The following KIAA2012 variants were observed in gnomAD, a reference collection of about 807,000 sequenced individuals.
KIAA2012 encodes the protein KIAA2012.
KIAA2012 carries 125 observed loss-of-function variants against 150.6 expected under a neutral mutation model. The ratio of observed to expected loss-of-function variants is 0.83; its 90% CI spans 0.72 to 0.96. The LOEUF (loss-of-function observed/expected upper bound fraction) is 0.96, where lower values mean the gene tolerates loss of function less well. KIAA2012 is among the 40% of genes least tolerant of loss of function. The probability of loss-of-function intolerance (pLI) is 0.00; values close to 1 mark genes in which losing one functional copy is unlikely to be tolerated. For synonymous variants in KIAA2012, 462 were observed against 504.7 expected (o/e 0.92, Z 1.13); for missense variants, 1,219 against 1,354.9 (o/e 0.90, Z 1.57).
chr2:202,088,098 T>C (rs939967153), intron 2 of KIAA2012, among the ~76,000 whole-genome samples: 1 of 152,158 alleles, frequency 6.6e-6, no homozygotes, highest in African/African-American at 2.4e-5. Flanking sequence ...AGGATGCATA[T>C]GGGCTATACT....
At chr2:202,198,148 T>C (rs1331092887) in intron 22 of KIAA2012, among the ~76,000 whole-genome samples, 1 of 117,168 alleles carries the variant, frequency 8.5e-6, no homozygotes, top group East Asian at 2.5e-4. Flanking sequence ...CATTCCAGCC[T>C]GGGCGACAAG....
intron 2 of KIAA2012, chr2:202,076,971 A>C (rs1279714067): frequency 2.2e-6 from 1 of 456,682 alleles, no homozygotes; most frequent in Non-Finnish European, 4.4e-6. Context: ...GAGATTGGAG[A>C]GGGAGAAGAA....
chr2:202,088,004 A>G (rs1179940321), intron 2 of KIAA2012, among the ~76,000 whole-genome samples: 1 of 152,104 alleles, frequency 6.6e-6, no homozygotes, highest in East Asian at 1.9e-4. Context: ...AAACCAAAAA[A>G]AAAAAAAAGT....
chr2:202,090,024 C>T (rs181570184), intron 2 of KIAA2012, among the ~76,000 whole-genome samples: 140 of 152,336 alleles, frequency 9.2e-4, no homozygotes, highest in Non-Finnish European at 2.5e-4. Flanking sequence ...GCCATGGACA[C>T]TGGGAAGGGT....
chr2:202,133,133 T>A lies in KIAA2012; in HGVS notation c.1832-5299T>A, dbSNP rs1390122634. Among the ~76,000 whole-genome samples, 165 of 129,886 alleles carry A rather than the reference T, an allele frequency of 1.3e-3. 9 individuals are homozygous for A. The highest frequency in any genetic ancestry group is 4.4e-3 in the African/African-American group (150 of 33,746). The allele number at this position is 129,886 out of a possible 152,430, so 85.2% of individuals were successfully genotyped here. On this transcript the variant is annotated intron_variant, in intron 12 of 23. Transcript: ENST00000498697. ...AAATATATATATATATATATATATT[T>A]TTTTTTTTTCTGGAGAATGGAGACC...
intron 11 of KIAA2012, among the ~76,000 whole-genome samples, chr2:202,121,047 C>A: frequency 6.6e-6 from 1 of 152,188 alleles, no homozygotes; most frequent in East Asian, 1.9e-4. Flanking sequence ...ACACATGCAA[C>A]TTCCAGGTCA....
At chr2:202,121,669 C>T (rs1690655721) in intron 11 of KIAA2012, among the ~76,000 whole-genome samples, 1 of 152,200 alleles carries the variant, frequency 6.6e-6, no homozygotes, top group Admixed American at 6.5e-5. Context: ...AGCTCACTTA[C>T]GTGGTAAGGG....
At chr2:202,202,632 A>G (rs1692551635) in intron 23 of KIAA2012, 45 bp downstream of exon 23, 1 of 398,120 alleles carries the variant, frequency 2.5e-6, no homozygotes, top group South Asian at 1.3e-4. Context: ...TCCCCTTTAT[A>G]ATAAAGTTCT....
Position 202,093,035 on chromosome 2 carries a change from A to G in KIAA2012, c.535A>G (p.Ile179Val). ...TCTCCTGATCTACTCTTCAGGATAC[A>G]TCAAGGATTCTGTGCTACTCCAGGA... ...AMYRLWCAGY[I>V]KDSVLLQDSQ... is the part of the protein sequence containing the mutation. Residue 179 changes from isoleucine (I) to valine (V), a missense_variant, in exon 4 of 24, where the codon ATC becomes GTC. Physicochemically the swap from Ile to Val is conservative, Grantham distance 29. Coordinates refer to ENST00000498697, the MANE Select transcript of KIAA2012 (RefSeq NM_001277372.4). 6.5e-7 allele frequency: 1 copy of G among 1,550,362 alleles called. No individual in the cohort carries two copies. The highest frequency in any genetic ancestry group is 8.7e-7 in the Non-Finnish European group (1 of 1,146,850).
At chr2:202,203,990 C>T (rs1334593269) in intron 23 of KIAA2012, among the ~76,000 whole-genome samples, 1 of 151,838 alleles carries the variant, frequency 6.6e-6, no homozygotes, top group Admixed American at 6.6e-5. Flanking sequence ...AGGATGGTCT[C>T]GATCTCCTGA....
chr2:202,074,899 G>A lies in KIAA2012; in HGVS notation c.93G>A (p.Leu31=). 4 of 1,545,784 alleles carry A rather than the reference G, an allele frequency of 2.6e-6. No homozygotes were observed. The stretch of plus-strand genomic sequence containing the variant: ...GCTGCTTCTCATTGCAGGATTACTT[G>A]AACTGGAGGTCCCCAGAAGACTATG... ...LEVYFEPEDY[L]NWRSPEDYVP... The change falls in exon 2 of 24, where the codon TTG becomes TTA. Residue 31 remains leucine (L), a synonymous_variant. Coordinates refer to ENST00000498697, the MANE Select transcript of KIAA2012 (RefSeq NM_001277372.4).
At chr2:202,171,959 G>C (rs1691903061) in intron 15 of KIAA2012, among the ~76,000 whole-genome samples, 1 of 147,496 alleles carries the variant, frequency 6.8e-6, no homozygotes, top group South Asian at 2.2e-4. Flanking sequence ...CAAGTCAGCC[G>C]CCTCAACCTC....
intron 2 of KIAA2012, among the ~76,000 whole-genome samples, chr2:202,079,024 C>T (rs1433297380): frequency 1.3e-5 from 2 of 152,094 alleles, no homozygotes; most frequent in African/African-American, 2.4e-5. Context: ...GGTGAAACCC[C>T]GTTTCTACTA....
intron 5 of KIAA2012, among the ~76,000 whole-genome samples, chr2:202,098,710 G>T (rs540219080): frequency 1.3e-5 from 2 of 152,006 alleles, no homozygotes; most frequent in East Asian, 3.9e-4. Flanking sequence ...GTAAAATGGA[G>T]CTATTATCAT....
intron 1 of KIAA2012, among the ~76,000 whole-genome samples, chr2:202,074,425 A>C (rs1689275995): frequency 6.6e-6 from 1 of 152,200 alleles, no homozygotes; most frequent in African/African-American, 2.4e-5. Flanking sequence ...TAGGCCCCTA[A>C]ATAGCCAAAT....
At chr2:202,151,691 A>G (rs1691431156) in intron 13 of KIAA2012, among the ~76,000 whole-genome samples, 1 of 152,168 alleles carries the variant, frequency 6.6e-6, no homozygotes, top group African/African-American at 2.4e-5. Flanking sequence ...AATAAATATC[A>G]GTTTAATGGA....
At position 202,196,992 on chromosome 2, in the gene KIAA2012, C is replaced by T. The variant is rs1274427347; in HGVS notation, c.3380C>T (p.Ala1127Val). The T allele has an allele frequency of 6.4e-7, 1 of 1,550,566 alleles. No individual in the cohort carries two copies. The highest frequency in any genetic ancestry group is 8.7e-7 in the Non-Finnish European group (1 of 1,147,002). ...GCAGCAAGACTGGCTCTGGAAGAAG[C>T]CACGAAACAAGCCCAGGAACAAGCC... The part of the protein sequence containing the change: ...EEAARLALEE[A>V]TKQAQEQARQ... The change falls in exon 22 of 24, where the codon GCC (alanine) becomes GTC (valine). Residue 1127 changes from alanine to valine, a missense_variant. Ala to Val is a moderately conservative substitution (Grantham distance 64). Coordinates refer to ENST00000498697, the MANE Select transcript of KIAA2012 (RefSeq NM_001277372.4).
In KIAA2012 at chr2:202,165,447, C is replaced by A. The variant is rs879869957; in HGVS notation, c.2119+91C>A. 3 of 1,240,208 alleles carry A rather than the reference C, an allele frequency of 2.4e-6. No individual in the cohort carries two copies. The African/African-American group carries it at 4.5e-5, about 19-fold the overall frequency. The allele number at this position is 1,240,208 out of a possible 1,614,324, so 76.8% of individuals were successfully genotyped here. A position where few individuals can be genotyped will look rare whatever the true frequency, so the allele number is the denominator to read the frequency against. Reference sequence around the variant, plus strand: ...TAAAAGATGTTAATGGGAGGCCAGGCACGGTGGCTCACGCCTGTAGTCCCA... The same window carrying A: ...TAAAAGATGTTAATGGGAGGCCAGGAACGGTGGCTCACGCCTGTAGTCCCA... On this transcript the variant is annotated intron_variant, in intron 15 of 23. Transcript: ENST00000498697.
chr2:202,199,185 C>T (rs1692467475), intron 22 of KIAA2012, among the ~76,000 whole-genome samples: 2 of 152,318 alleles, frequency 1.3e-5, no homozygotes, highest in Middle Eastern at 6.8e-3. Flanking sequence ...TACCAAGACT[C>T]AGGAGAATTT....
Sources: allele counts gnomAD v4.1 joint callset (sites outside exome capture counted in the v4.1 genomes callset), GRCh38; gene constraint gnomAD v4.1.1; transcripts MANE v1.5; gene names NCBI Gene and HGNC (gene_info 2026-07-23, HGNC 2026-07-21).